The following SYNCRIP variants were observed in gnomAD, a reference collection of about 807,000 sequenced individuals.
The protein encoded by SYNCRIP is synaptotagmin binding cytoplasmic RNA interacting protein, also known as heterogeneous nuclear ribonucleoprotein Q.
A neutral mutation model predicts 68.9 loss-of-function variants in SYNCRIP; 9 were observed. The observed-to-expected ratio is 0.13, with a 90% CI of 0.08 to 0.23. The LOEUF (loss-of-function observed/expected upper bound fraction) is 0.23, where lower values mean the gene tolerates loss of function less well. SYNCRIP is among the 10% of genes least tolerant of loss of function. The pLI is 1.00. For synonymous variants in SYNCRIP, 258 were observed against 254.0 expected (o/e 1.02, Z -0.15); for missense variants, 414 against 770.6 (o/e 0.54, Z 5.48).
chr6:85,640,685 C>A lies in SYNCRIP; in HGVS notation c.149-121G>T, dbSNP rs1195309070. On this transcript the variant is annotated intron_variant, in intron 2 of 10. Transcript: ENST00000369622. ...ATTCTTCTACTCCCCTCATCTATAC[C>A]TGAAAAAAAAAAAACACACACTTCA... is the stretch of plus-strand genomic sequence containing the variant. 67 of 528,386 alleles carry A rather than the reference C, an allele frequency of 1.3e-4. 1 individual carries two copies. In the East Asian group the frequency reaches 2.0e-3, roughly 16 times the overall value. 32.7% of individuals were successfully genotyped at this position (528,386 alleles called of 1,614,324 possible). A position where few individuals can be genotyped will look rare whatever the true frequency, so the allele number is the denominator to read the frequency against.
Position 85,615,230 on chromosome 6 carries a change from A to T in SYNCRIP, c.1398T>A (p.Tyr466Ter). The part of the protein sequence containing the change: ...YPPDYYGYED[Y>*]YDYYGYDYHN... ...GGTAATCATAACCATAATAATCATA[A>T]TAATCTTCATATCCATAATAATCTG... is the stretch of plus-strand genomic sequence containing the variant. The change falls in exon 11 of 11, where the codon TAT becomes TAA. Residue 466 changes from tyrosine to a stop codon, truncating the protein, a stop_gained. Coordinates refer to ENST00000369622, the MANE Select transcript of SYNCRIP (RefSeq NM_006372.5). LOFTEE classifies it high-confidence loss of function. 1 of 1,608,926 alleles carries T rather than the reference A, an allele frequency of 6.2e-7. No individual in the cohort carries two copies. Among genetic ancestry groups the T allele is most frequent in the Non-Finnish European group, 8.5e-7 (1 of 1,176,416 alleles).
In SYNCRIP at chr6:85,619,319, C is replaced by T. The variant is rs917981352; in HGVS notation, c.1107G>A (p.Lys369=). The T allele has an allele frequency of 6.2e-7, 1 of 1,614,002 alleles. No individual in the cohort carries two copies. Among genetic ancestry groups the T allele is most frequent in the Non-Finnish European group, 8.5e-7 (1 of 1,180,008 alleles). Residue 369 remains lysine, a synonymous_variant, in exon 9 of 11, where the codon AAG becomes AAA. Transcript: ENST00000369622. ...SQFGKLERVK[K]LKDYAFIHFD... is the part of the protein sequence containing the mutation. ...AATGAATGAACGCATAATCTTTTAACTTCTTCACTCGTTCCAGTTTCCCAA... is the reference window on the plus strand; with the variant it reads ...AATGAATGAACGCATAATCTTTTAATTTCTTCACTCGTTCCAGTTTCCCAA...
chr6:85,613,886 C>T (rs1805478427), downstream of SYNCRIP: 2 of 821,042 alleles, frequency 2.4e-6, no homozygotes, highest in Non-Finnish European at 1.5e-6. Context: ...GTCAGTGTGA[C>T]CTGCAAACCC....
Position 85,641,433 on chromosome 6 carries a change from T to C in SYNCRIP, c.7A>G (p.Thr3Ala), listed in dbSNP as rs1809132445. The C allele has an allele frequency of 6.2e-7, 1 of 1,612,328 alleles. No homozygotes were observed. Among genetic ancestry groups the C allele is most frequent in the Non-Finnish European group, 8.5e-7 (1 of 1,179,534 alleles). Reference sequence around the variant, plus strand: ...GTACCATTTCCATTAACATGTTCTGTAGCCATGTTTCCAGAGATCTGTTCA... The same window carrying C: ...GTACCATTTCCATTAACATGTTCTGCAGCCATGTTTCCAGAGATCTGTTCA... MA[T>A]EHVNGNGTEE... Residue 3 changes from threonine to alanine, a missense_variant, in exon 2 of 11, where the codon ACA becomes GCA. Physicochemically the swap from Thr to Ala is moderately conservative, Grantham distance 58 (BLOSUM62 0). This residue lies in a region of SYNCRIP where 51 missense variants were observed against 63.7 expected (regional missense o/e 0.80). Transcript: ENST00000369622.
intron 6 of SYNCRIP, among the ~76,000 whole-genome samples, chr6:85,625,333 C>T (rs1806911328): frequency 6.6e-6 from 1 of 151,642 alleles, no homozygotes; most frequent in Admixed American, 6.6e-5. Context: ...GCTACTTTCT[C>T]CTCTCTCTCT....
downstream of SYNCRIP, among the ~76,000 whole-genome samples, chr6:85,613,098 C>T (rs553841711): frequency 6.6e-6 from 1 of 151,740 alleles, no homozygotes; most frequent in African/African-American, 2.4e-5. Flanking sequence ...TTTTTACTTG[C>T]TTTGAGGTTT....
At chr6:85,623,890 T>G (rs1001007100) in intron 7 of SYNCRIP, 87 bp downstream of exon 7, 10 of 1,486,226 alleles carry the variant, frequency 6.7e-6, no homozygotes, top group Non-Finnish European at 9.2e-6. Flanking sequence ...TCAATAAATG[T>G]ATTTAGAACA....
intron 10 of SYNCRIP, among the ~76,000 whole-genome samples, chr6:85,617,353 C>T (rs550867632): frequency 9.2e-4 from 140 of 152,300 alleles, no homozygotes; most frequent in African/African-American, 3.3e-3. Context: ...AATGTAACTG[C>T]TCTAATCACA....
intron 6 of SYNCRIP, among the ~76,000 whole-genome samples, chr6:85,633,688 T>TC (rs35657375): frequency 1.7e-4 from 26 of 152,202 alleles, no homozygotes; most frequent in East Asian, 1.4e-3. Context: ...ATTTTTTTTT[T>TC]CCCCCTTTTT....
intron 8 of SYNCRIP, among the ~76,000 whole-genome samples, chr6:85,620,075 C>T (rs988197547): frequency 2.0e-5 from 3 of 152,076 alleles, no homozygotes; most frequent in Non-Finnish European, 4.4e-5. Flanking sequence ...AGTAACACCC[C>T]GTCTCTACAA....
intron 10 of SYNCRIP, 96 bp from the exon 11 acceptor site, chr6:85,615,443 C>G: frequency 1.3e-6 from 1 of 767,250 alleles, no homozygotes; most frequent in Non-Finnish European, 2.0e-6. Flanking sequence ...CCAGAGTTTA[C>G]TTCGCATAAT....
Position 85,614,177 on chromosome 6 carries a change from T to C in SYNCRIP, c.*579A>G. The C allele has an allele frequency of 1.0e-6, 1 of 985,876 alleles. No individual in the cohort carries two copies. The highest frequency in any genetic ancestry group is 1.7e-5 in the African/African-American group (1 of 57,364). 61.1% of individuals were successfully genotyped at this position (985,876 alleles called of 1,614,324 possible). ...TTTGAACCAAATTTGCAGGAAATTT[T>C]GTGAAAAACGAATTGTAAACACAAT... On this transcript the variant is annotated 3_prime_UTR_variant, in exon 11 of 11. Transcript: ENST00000369622.
At chr6:85,624,220 T>A in intron 6 of SYNCRIP, 108 bp from the exon 7 acceptor site, 1 of 1,064,296 alleles carries the variant, frequency 9.4e-7, no homozygotes, top group Non-Finnish European at 1.4e-6. Context: ...TAGTTTACCT[T>A]AATTCCCATA....
At chr6:85,642,117 G>C (rs888569080) in intron 1 of SYNCRIP, among the ~76,000 whole-genome samples, 5 of 152,108 alleles carry the variant, frequency 3.3e-5, no homozygotes, top group African/African-American at 1.2e-4. Context: ...ACATCAACCC[G>C]AAGCCGCGGT....
At chr6:85,641,975 G>C (rs1467984636) in intron 1 of SYNCRIP, among the ~76,000 whole-genome samples, 1 of 151,950 alleles carries the variant, frequency 6.6e-6, no homozygotes, top group Admixed American at 6.6e-5. Flanking sequence ...TCCGCACCCA[G>C]AGCGGCAGTC....
At chr6:85,625,398 T>C (rs1464064775) in intron 6 of SYNCRIP, among the ~76,000 whole-genome samples, 2 of 151,984 alleles carry the variant, frequency 1.3e-5, no homozygotes. Context: ...TTTTTTGTCT[T>C]TTCTGAGACA....
At chr6:85,610,812 T>C (rs2128274450), downstream of SYNCRIP, 1 of 152,134 alleles carries the variant, frequency 6.6e-6, no homozygotes, top group African/African-American at 2.4e-5. Flanking sequence ...CCACAACCTA[T>C]TATATTCATT....
chr6:85,631,366 TAAA>T (rs1185473611), intron 6 of SYNCRIP, among the ~76,000 whole-genome samples: 3 of 136,862 alleles, frequency 2.2e-5, no homozygotes, highest in African/African-American at 8.8e-5. Flanking sequence ...GGCCATGGCT[TAAA>T]GAAGGCGAAA....
downstream of SYNCRIP, chr6:85,612,867 A>G (rs1805351370): frequency 6.5e-7 from 1 of 1,550,180 alleles, no homozygotes; most frequent in Admixed American, 2.0e-5. Flanking sequence ...GTAATCCCAC[A>G]TAGCAAGTCA....
Sources: allele counts gnomAD v4.1 joint callset (sites outside exome capture counted in the v4.1 genomes callset), GRCh38; gene constraint gnomAD v4.1.1; regional missense constraint gnomAD v4.1.1; transcripts MANE v1.5; gene names NCBI Gene and HGNC (gene_info 2026-07-23, HGNC 2026-07-21).